Variants in LTBP1 observed in about 807,000 individuals in gnomAD.
The protein encoded by LTBP1 is latent-transforming growth factor beta-binding protein 1.
Under a neutral mutation model 207.6 loss-of-function variants are expected in LTBP1, and 129 were observed. The ratio of observed to expected loss-of-function variants is 0.62; its 90% CI spans 0.54 to 0.72. The LOEUF (loss-of-function observed/expected upper bound fraction) is 0.72. LTBP1 is among the 30% of genes least tolerant of loss of function. The pLI, the probability that LTBP1 is intolerant of heterozygous loss-of-function variation, is 0.00. For synonymous variants in LTBP1, 963 were observed against 833.7 expected, an observed-to-expected ratio of 1.16 and a Z score of -2.67; for missense variants, 2,281 against 2,217.2, an observed-to-expected ratio of 1.03 and a Z score of -0.58.
intron 19 of LTBP1, among the ~76,000 whole-genome samples, chr2:33,287,186 G>A (rs11124312): frequency 0.57 from 86,200 of 152,078 alleles, 25,404 homozygotes; most frequent in African/African-American, 0.73. Flanking sequence ...CCTTCTCATT[G>A]TATAGTTTAT....
chr2:33,183,128 T>C (rs768413164), intron 5 of LTBP1, among the ~76,000 whole-genome samples: 8 of 152,242 alleles, frequency 5.3e-5, no homozygotes, highest in Non-Finnish European at 1.0e-4. Flanking sequence ...CGTTGGAAGC[T>C]GATCCAAAGT....
intron 22 of LTBP1, among the ~76,000 whole-genome samples, chr2:33,306,355 A>C (rs1485020442): frequency 6.6e-6 from 1 of 151,156 alleles, no homozygotes; most frequent in Non-Finnish European, 1.5e-5. Context: ...GAATCACTTG[A>C]GGTCAGGAGT....
intron 8 of LTBP1, among the ~76,000 whole-genome samples, chr2:33,219,193 T>C (rs1316459819): frequency 6.6e-6 from 1 of 152,216 alleles, no homozygotes; most frequent in Non-Finnish European, 1.5e-5. Context: ...TCATAATTAA[T>C]GAATTCTTCA....
chr2:33,155,969 G>A (rs2083942703), intron 5 of LTBP1, among the ~76,000 whole-genome samples: 1 of 152,154 alleles, frequency 6.6e-6, no homozygotes, highest in Non-Finnish European at 1.5e-5. Flanking sequence ...AGTAAGCCCT[G>A]AATTTTATTG....
chr2:33,380,033 C>T (rs2095194005), intron 31 of LTBP1, among the ~76,000 whole-genome samples: 1 of 152,156 alleles, frequency 6.6e-6, no homozygotes, highest in African/African-American at 2.4e-5. Context: ...CAAAATTTAT[C>T]CTGGCTTGAC....
intron 3 of LTBP1, among the ~76,000 whole-genome samples, chr2:33,105,981 T>G (rs2080043679): frequency 6.6e-6 from 1 of 152,256 alleles, no homozygotes; most frequent in African/African-American, 2.4e-5. Flanking sequence ...TGCTGCTTTA[T>G]CAACTAAGTT....
At chr2:33,111,398 G>A (rs139656980) in intron 4 of LTBP1, among the ~76,000 whole-genome samples, 3 of 152,316 alleles carry the variant, frequency 2.0e-5, no homozygotes, top group Non-Finnish European at 2.9e-5. Flanking sequence ...GGAGTAAGGC[G>A]CAGCCCATCC....
chr2:33,258,149 C>T (rs1414628885), intron 12 of LTBP1, among the ~76,000 whole-genome samples: 3 of 152,220 alleles, frequency 2.0e-5, no homozygotes, highest in African/African-American at 7.2e-5. Flanking sequence ...AGTCTAGAGA[C>T]AATGGACTTT....
chr2:33,121,166 T>A (rs941068371), intron 4 of LTBP1, among the ~76,000 whole-genome samples: 55 of 145,148 alleles, frequency 3.8e-4, no homozygotes, highest in Non-Finnish European at 7.9e-4. Context: ...AGTCTTTTTT[T>A]TTTTTTTTTT....
chr2:33,176,519 C>G (rs1023093256), intron 5 of LTBP1, among the ~76,000 whole-genome samples: 14 of 149,726 alleles, frequency 9.4e-5, no homozygotes, highest in African/African-American at 3.3e-4. Context: ...GCCACCATGC[C>G]TGGCTGACAA....
chr2:33,178,316 T>A (rs916904754), intron 5 of LTBP1, among the ~76,000 whole-genome samples: 1 of 152,096 alleles, frequency 6.6e-6, no homozygotes, highest in Non-Finnish European at 1.5e-5. Flanking sequence ...TATATGGAGC[T>A]CCTTAGGTTA....
At chr2:32,960,174 T>C (rs760576052) in intron 2 of LTBP1, among the ~76,000 whole-genome samples, 17 of 152,182 alleles carry the variant, frequency 1.1e-4, no homozygotes, top group Non-Finnish European at 2.2e-4. Flanking sequence ...CTGAGACTTT[T>C]CTCAACCTTC....
chr2:33,141,655 C>G (rs1407374802), intron 5 of LTBP1, among the ~76,000 whole-genome samples: 1 of 152,048 alleles, frequency 6.6e-6, no homozygotes, highest in Non-Finnish European at 1.5e-5. Flanking sequence ...GAATGCAGGG[C>G]TGTCTGATGA....
chr2:33,052,254 T>C, intron 3 of LTBP1, among the ~76,000 whole-genome samples: 1 of 152,240 alleles, frequency 6.6e-6, no homozygotes, highest in Admixed American at 6.5e-5. Flanking sequence ...TGCCAAATAC[T>C]TGGGTGTGTG....
At chr2:33,078,862 C>CTTTTT (rs34843933) in intron 3 of LTBP1, among the ~76,000 whole-genome samples, 78 of 106,870 alleles carry the variant, frequency 7.3e-4, no homozygotes, top group Admixed American at 1.2e-3. Context: ...CTTTTCTTTT[C>CTTTTT]TTTTTTTTTT....
intron 9 of LTBP1, among the ~76,000 whole-genome samples, chr2:33,228,496 T>C (rs1349456354): frequency 2.0e-5 from 3 of 152,080 alleles, no homozygotes. Flanking sequence ...AACCGTCTTG[T>C]TCTGCTTTAG....
At chr2:33,274,827 C>G in intron 16 of LTBP1, 138 bp from the exon 17 acceptor site, 2 of 742,400 alleles carry the variant, frequency 2.7e-6, no homozygotes, top group Non-Finnish European at 4.5e-6. Context: ...GGAGAAAGAT[C>G]GTGTCTCCTT....
Position 33,111,971 on chromosome 2 carries a change from A to C in LTBP1, c.1033+1220A>C, listed in dbSNP as rs187305237. ...TCGTACTTAAAGAGCCGTTTCTCTT[A>C]AGTGAATATTTCTTGAGTATATGTG... On this transcript the variant is annotated intron_variant, in intron 4 of 33. Coordinates refer to ENST00000404816, the MANE Select transcript of LTBP1 (RefSeq NM_206943.4). Among the ~76,000 whole-genome samples, 670 of 152,370 alleles carry C rather than the reference A, an allele frequency of 4.4e-3. 1 individual carries two copies. The highest frequency in any genetic ancestry group is 6.1e-3 in the Non-Finnish European group (415 of 68,030).
In LTBP1 at chr2:32,948,361, T is replaced by G. The variant is rs562588412; in HGVS notation, c.495-514T>G. On this transcript the variant is annotated intron_variant, in intron 1 of 33. Coordinates refer to ENST00000404816, the MANE Select transcript of LTBP1 (RefSeq NM_206943.4). ...GGGTGTCTTGGTATTGATAAAAGTT[T>G]TGGTTGGAATGTTTCTGTTACTGGG... 2.6e-3 allele frequency among the ~76,000 whole-genome samples: 397 copies of G among 152,236 alleles called. 2 individuals are homozygous for G. The highest frequency in any genetic ancestry group is 9.3e-3 in the African/African-American group (386 of 41,542).
Sources: gnomAD v4.1 joint callset for allele counts (sites outside exome capture counted in the v4.1 genomes callset) on GRCh38, gnomAD v4.1.1 for gene constraint, MANE v1.5 for transcripts, NCBI Gene and HGNC (gene_info 2026-07-23, HGNC 2026-07-21) for gene names.